The following CSGALNACT1 variants were observed in gnomAD, a reference collection of about 807,000 sequenced individuals.
CSGALNACT1 encodes chondroitin sulfate N-acetylgalactosaminyltransferase 1.
A neutral mutation model predicts 51.0 loss-of-function variants in CSGALNACT1; 52 were observed. The observed-to-expected ratio is 1.02, with a 90% CI of 0.82 to 1.29. The LOEUF (loss-of-function observed/expected upper bound fraction) is 1.29, where lower values mean the gene tolerates loss of function less well. Ranked by LOEUF, CSGALNACT1 falls within the 50% of genes most tolerant of loss-of-function variation. The pLI, the probability that CSGALNACT1 is intolerant of heterozygous loss-of-function variation, is 0.00. For synonymous variants in CSGALNACT1, 341 were observed against 254.4 expected, an observed-to-expected ratio of 1.34 and a Z score of -3.24; for missense variants, 935 against 679.2, an observed-to-expected ratio of 1.38 and a Z score of -4.19.
At chr8:19,507,035 T>C (rs1563797658) in intron 3 of CSGALNACT1, among the ~76,000 whole-genome samples, 1 of 152,196 alleles carries the variant, frequency 6.6e-6, no homozygotes, top group Non-Finnish European at 1.5e-5. Flanking sequence ...TCGACATGGT[T>C]CTGAGCTTTC....
intron 1 of CSGALNACT1, among the ~76,000 whole-genome samples, chr8:19,625,367 T>C (rs911741317): frequency 3.3e-5 from 5 of 152,226 alleles, no homozygotes; most frequent in African/African-American, 1.2e-4. Context: ...GTAAAACAAA[T>C]GTCATTCTCC....
At chr8:19,630,690 T>G (rs909143660) in intron 1 of CSGALNACT1, among the ~76,000 whole-genome samples, 1 of 152,224 alleles carries the variant, frequency 6.6e-6, no homozygotes, top group Non-Finnish European at 1.5e-5. Flanking sequence ...CTCTATAGTT[T>G]TATCTTTTCC....
At chr8:19,418,624 C>G (rs1449393224) in intron 8 of CSGALNACT1, 32 bp downstream of exon 7, 1 of 1,418,862 alleles carries the variant, frequency 7.0e-7, no homozygotes, top group Non-Finnish European at 1.0e-6. Flanking sequence ...TAAACAGAGC[C>G]ACACAGAGCC....
exon 10 of CSGALNACT1, chr8:19,404,398 A>T (rs1446794875): frequency 2.2e-6 from 1 of 453,380 alleles, no homozygotes; most frequent in African/African-American, 2.0e-5. Flanking sequence ...TTTTCACATG[A>T]ATGAAGAAAC....
intron 4 of CSGALNACT1, among the ~76,000 whole-genome samples, chr8:19,475,674 T>G (rs1309853055): frequency 1.3e-5 from 2 of 152,110 alleles, no homozygotes; most frequent in African/African-American, 4.8e-5. Flanking sequence ...GCAAACAACT[T>G]AAATACTGAA....
At chr8:19,594,381 A>G (rs1242456359) in intron 2 of CSGALNACT1, among the ~76,000 whole-genome samples, 3 of 152,218 alleles carry the variant, frequency 2.0e-5, no homozygotes, top group Admixed American at 6.5e-5. Flanking sequence ...CCGGCACTCA[A>G]TACTAAAAAT....
At chr8:19,657,130 A>AT (rs1173788767) in intron 1 of CSGALNACT1, among the ~76,000 whole-genome samples, 12 of 151,860 alleles carry the variant, frequency 7.9e-5, no homozygotes, top group Non-Finnish European at 1.5e-5. Flanking sequence ...AAAACAAAGA[A>AT]TTTTTTTATT....
At chr8:19,417,088 C>G (rs934103468) in intron 8 of CSGALNACT1, among the ~76,000 whole-genome samples, 13 of 152,042 alleles carry the variant, frequency 8.6e-5, no homozygotes, top group African/African-American at 3.1e-4. Flanking sequence ...CTCCTGGCCT[C>G]AAGTGATCTG....
At chr8:19,664,403 C>T (rs1048955981) in intron 1 of CSGALNACT1, among the ~76,000 whole-genome samples, 4 of 152,222 alleles carry the variant, frequency 2.6e-5, no homozygotes, top group African/African-American at 7.2e-5. Flanking sequence ...TAAATTAGTA[C>T]AGCCTTCAAG....
chr8:19,643,560 C>A (rs770600123), intron 1 of CSGALNACT1, among the ~76,000 whole-genome samples: 1 of 151,736 alleles, frequency 6.6e-6, no homozygotes, highest in Non-Finnish European at 1.5e-5. Flanking sequence ...GTTGCTTGAG[C>A]CTGGGACACA....
At position 19,590,920 on chromosome 8, in the gene CSGALNACT1, G is replaced by A. The variant is rs538246708; in HGVS notation, c.-297+240C>T. Among the ~76,000 whole-genome samples the A allele has an allele frequency of 2.0e-5, 3 of 151,934 alleles. No homozygotes were observed. The East Asian group carries it at 5.8e-4, about 29-fold the overall frequency. ...CCCACCTTGGCCTCCCAAAGTGCTA[G>A]GATTAAAGGTGTGAGCCACTATGCC... On this transcript the variant is annotated intron_variant, in intron 3 of 9. Transcript: ENST00000454498.
At chr8:19,460,143 C>T (rs575323072) in intron 4 of CSGALNACT1, among the ~76,000 whole-genome samples, 6 of 152,114 alleles carry the variant, frequency 3.9e-5, no homozygotes, top group Non-Finnish European at 7.3e-5. Context: ...TAAAACCCAA[C>T]AAATCAGAAA....
intron 1 of CSGALNACT1, among the ~76,000 whole-genome samples, chr8:19,611,048 C>T (rs1049201126): frequency 4.6e-5 from 7 of 152,198 alleles, no homozygotes; most frequent in Non-Finnish European, 7.3e-5. Flanking sequence ...CCCTGTCGCA[C>T]GCCCTGCGAA....
intron 4 of CSGALNACT1, among the ~76,000 whole-genome samples, chr8:19,492,547 G>A (rs1402384260): frequency 2.0e-5 from 3 of 152,180 alleles, no homozygotes; most frequent in Non-Finnish European, 4.4e-5. Flanking sequence ...GAGCTAGCCT[G>A]CCAACCTGGG....
In CSGALNACT1 at chr8:19,439,070, C is replaced by A. The variant is rs186914453; in HGVS notation, c.953+760G>T. ...CCACCTGATTACTCAAATTGCCCCC[C>A]TGCAAACCTCCAGGGCAAACTACAG... On this transcript the variant is annotated intron_variant, in intron 6 of 9. Transcript: ENST00000454498. 6.1e-4 allele frequency among the ~76,000 whole-genome samples: 93 copies of A among 152,336 alleles called. 2 individuals are homozygous for A. Among genetic ancestry groups the A allele is most frequent in the Admixed American group, 5.5e-3 (84 of 15,302 alleles).
intron 3 of CSGALNACT1, among the ~76,000 whole-genome samples, chr8:19,561,525 T>C (rs2040714554): frequency 6.8e-6 from 1 of 148,098 alleles, no homozygotes; most frequent in Admixed American, 6.6e-5. Flanking sequence ...TCCCAGATCC[T>C]GTGAAAAAAT....
chr8:19,653,493 A>C (rs2058003120), intron 1 of CSGALNACT1, among the ~76,000 whole-genome samples: 1 of 152,116 alleles, frequency 6.6e-6, no homozygotes, highest in African/African-American at 2.4e-5. Context: ...TTGAGAACCA[A>C]ATCACAATCT....
intron 3 of CSGALNACT1, among the ~76,000 whole-genome samples, chr8:19,534,006 G>A (rs1043897688): frequency 2.0e-5 from 3 of 151,908 alleles, no homozygotes; most frequent in African/African-American, 7.3e-5. Context: ...TTGTTCTGAG[G>A]TACTCAGATG....
Position 19,483,806 on chromosome 8 carries a change from G to A in CSGALNACT1, c.634+21395C>T, listed in dbSNP as rs142365863. ...TGACGGCAAATAATAAATTACTATT[G>A]ACTAAATTAAGTGAATATGTAGCAA... On this transcript the variant is annotated intron_variant, in intron 4 of 9. Transcript: ENST00000454498. Among the ~76,000 whole-genome samples, 222 of 152,198 alleles carry A rather than the reference G, an allele frequency of 1.5e-3. 3 individuals carry two copies. Among genetic ancestry groups the A allele is most frequent in the Admixed American group, 2.7e-3 (41 of 15,286 alleles).
Sources: gnomAD v4.1 joint callset for allele counts (sites outside exome capture counted in the v4.1 genomes callset) on GRCh38, gnomAD v4.1.1 for gene constraint, MANE v1.5 for transcripts, NCBI Gene and HGNC (gene_info 2026-07-23, HGNC 2026-07-21) for gene names.